Variants in C8orf34 observed in about 807,000 individuals in gnomAD.
C8orf34 encodes chromosome 8 open reading frame 34.
Under a neutral mutation model 68.3 loss-of-function variants are expected in C8orf34, and 65 were observed. The observed-to-expected ratio is 0.95, with a 90% CI of 0.78 to 1.17. The LOEUF is 1.17. Among genes scored for constraint, C8orf34 ranks in the 50% most tolerant of loss-of-function variants. The probability of loss-of-function intolerance (pLI) is 0.00; values close to 1 mark genes in which losing one functional copy is unlikely to be tolerated. For missense variants in C8orf34, 664 were observed against 655.4 expected, an observed-to-expected ratio of 1.01 and a Z score of -0.14; for synonymous variants, 244 against 241.2, an observed-to-expected ratio of 1.01 and a Z score of -0.11.
At chr8:68,626,431 T>C (rs28623577) in intron 7 of C8orf34, among the ~76,000 whole-genome samples, 3,526 of 152,320 alleles carry the variant, frequency 0.023, 143 homozygotes, top group African/African-American at 0.079. Context: ...ACTTTACTAA[T>C]GACAAATTTA....
intron 12 of C8orf34, among the ~76,000 whole-genome samples, chr8:68,810,330 C>T (rs1390565507): frequency 2.0e-5 from 3 of 152,200 alleles, no homozygotes; most frequent in South Asian, 2.1e-4. Context: ...TTTGAGGCTG[C>T]GGCTGGACTA....
At chr8:68,358,266 T>C (rs1194795976) in intron 1 of C8orf34, among the ~76,000 whole-genome samples, 2 of 152,106 alleles carry the variant, frequency 1.3e-5, no homozygotes, top group African/African-American at 4.8e-5. Context: ...TATTTGTACA[T>C]GATGTCTCCC....
chr8:68,776,684 G>A (rs992297971), intron 11 of C8orf34, among the ~76,000 whole-genome samples: 9 of 152,108 alleles, frequency 5.9e-5, no homozygotes, highest in African/African-American at 1.2e-4. Context: ...GTAAAACTGC[G>A]TAAACCTGGT....
intron 8 of C8orf34, among the ~76,000 whole-genome samples, chr8:68,643,489 T>C (rs1270965618): frequency 6.6e-6 from 1 of 152,172 alleles, no homozygotes; most frequent in African/African-American, 2.4e-5. Flanking sequence ...AACTGTGTCT[T>C]ATAAATGACA....
At chr8:68,536,778 A>G (rs1379737412) in intron 7 of C8orf34, among the ~76,000 whole-genome samples, 1 of 152,140 alleles carries the variant, frequency 6.6e-6, no homozygotes, top group Non-Finnish European at 1.5e-5. Context: ...AATATTAATT[A>G]TGTTTTATAC....
chr8:68,485,306 T>C (rs1045148773), intron 4 of C8orf34, among the ~76,000 whole-genome samples: 58 of 152,156 alleles, frequency 3.8e-4, no homozygotes, highest in Admixed American at 7.2e-4. Context: ...AATAATGGAT[T>C]CATAAATATG....
intron 12 of C8orf34, among the ~76,000 whole-genome samples, chr8:68,798,288 C>CTTTTTT (rs10690187): frequency 8.0e-6 from 1 of 125,000 alleles, no homozygotes; most frequent in Non-Finnish European, 1.6e-5. Context: ...TTATGTCTGG[C>CTTTTTT]TTTTTTTTTT....
chr8:68,699,008 C>T (rs551229832), intron 8 of C8orf34, among the ~76,000 whole-genome samples: 13 of 152,058 alleles, frequency 8.5e-5, no homozygotes, highest in African/African-American at 2.9e-4. Flanking sequence ...TTAGGCACCA[C>T]GGAAGGCAAT....
intron 5 of C8orf34, among the ~76,000 whole-genome samples, chr8:68,494,845 G>A (rs1422659437): frequency 6.6e-6 from 1 of 151,270 alleles, no homozygotes; most frequent in Non-Finnish European, 1.5e-5. Context: ...GACAGAGTGA[G>A]ACTCCATCTC....
At chr8:68,660,859 A>T (rs569898638) in intron 8 of C8orf34, among the ~76,000 whole-genome samples, 1 of 151,582 alleles carries the variant, frequency 6.6e-6, no homozygotes, top group East Asian at 2.0e-4. Flanking sequence ...AATTCCCTGT[A>T]TTCACAGGGC....
intron 7 of C8orf34, among the ~76,000 whole-genome samples, chr8:68,616,783 A>G (rs530299410): frequency 6.6e-6 from 1 of 152,092 alleles, no homozygotes; most frequent in South Asian, 2.1e-4. Flanking sequence ...TGGGGTGGAG[A>G]GTTCTGTAGA....
At chr8:68,736,040 AGACCAATGG>A (rs1301335475) in intron 10 of C8orf34, among the ~76,000 whole-genome samples, 1 of 152,208 alleles carries the variant, frequency 6.6e-6, no homozygotes, top group African/African-American at 2.4e-5. Context: ...TACATTTCTT[AGACCAATGG>A]CTTTTTCATA....
At chr8:68,500,109 G>A (rs539681010) in intron 5 of C8orf34, among the ~76,000 whole-genome samples, 2 of 152,262 alleles carry the variant, frequency 1.3e-5, no homozygotes, top group Admixed American at 1.3e-4. Flanking sequence ...CAGCACCATG[G>A]TTCCTATGCA....
chr8:68,617,081 G>T (rs1818243355), intron 7 of C8orf34, among the ~76,000 whole-genome samples: 1 of 152,108 alleles, frequency 6.6e-6, no homozygotes, highest in South Asian at 2.1e-4. Flanking sequence ...TTGGTTTAAA[G>T]TCTGTTTTAT....
At chr8:68,424,612 A>G (rs1810126600) in intron 1 of C8orf34, among the ~76,000 whole-genome samples, 1 of 152,174 alleles carries the variant, frequency 6.6e-6, no homozygotes, top group African/African-American at 2.4e-5. Flanking sequence ...AATCTTAGCT[A>G]AGAAATAGAG....
At chr8:68,527,462 C>G (rs1815054965) in intron 6 of C8orf34, among the ~76,000 whole-genome samples, 1 of 152,136 alleles carries the variant, frequency 6.6e-6, no homozygotes, top group Non-Finnish European at 1.5e-5. Flanking sequence ...GTCCCAGCTA[C>G]TCGGGAGGCT....
rs955203383 is a variant in C8orf34 at position 68,557,571 on chromosome 8, A to T, written c.1105+24422A>T. Among the ~76,000 whole-genome samples, 3 of 152,180 alleles carry T rather than the reference A, an allele frequency of 2.0e-5. No individual in the cohort carries two copies. The South Asian group carries it at 6.2e-4, about 32-fold the overall frequency. Reference sequence around the variant, plus strand: ...GCCCACCCAGATCTTGCAGGTAAGTAGCAAAACCTCCACCTTGCATGTAAG... The same window carrying T: ...GCCCACCCAGATCTTGCAGGTAAGTTGCAAAACCTCCACCTTGCATGTAAG... On this transcript the variant is annotated intron_variant, in intron 7 of 13. Transcript: ENST00000518698.
chr8:68,650,961 C>G (rs1195509161), intron 8 of C8orf34, among the ~76,000 whole-genome samples: 1 of 152,110 alleles, frequency 6.6e-6, no homozygotes, highest in Non-Finnish European at 1.5e-5. Flanking sequence ...GCTTGCTTAT[C>G]TATGTTTGCA....
At chr8:68,816,776 C>T (rs1360753735) in intron 13 of C8orf34, among the ~76,000 whole-genome samples, 1 of 152,040 alleles carries the variant, frequency 6.6e-6, no homozygotes, top group Non-Finnish European at 1.5e-5. Context: ...CATTGCCATA[C>T]ATTTTATAAT....
Sources: allele counts gnomAD v4.1 joint callset (sites outside exome capture counted in the v4.1 genomes callset), GRCh38; gene constraint gnomAD v4.1.1; transcripts MANE v1.5; gene names NCBI Gene and HGNC (gene_info 2026-07-23, HGNC 2026-07-21).